Variants in ZNF385D observed in about 807,000 individuals in gnomAD.
ZNF385D encodes the protein zinc finger protein 385D, also known as zinc finger protein 659.
In ZNF385D, 15 loss-of-function variants were observed where a neutral mutation model predicts 35.8. That is an observed-to-expected ratio of 0.42 (90% CI 0.28 to 0.64). ZNF385D has a LOEUF of 0.64. ZNF385D is among the 30% of genes least tolerant of loss of function. ZNF385D has a pLI of 0.23. For synonymous variants in ZNF385D, 212 were observed against 186.8 expected, an observed-to-expected ratio of 1.13 and a Z score of -1.10; for missense variants, 474 against 494.6, an observed-to-expected ratio of 0.96 and a Z score of 0.39.
At chr3:21,777,457 G>A (rs2071332502) in intron 3 of ZNF385D, among the ~76,000 whole-genome samples, 1 of 151,938 alleles carries the variant, frequency 6.6e-6, no homozygotes, top group South Asian at 2.1e-4. Context: ...TTAGTTGACA[G>A]ATAGTCACCA....
In ZNF385D at chr3:21,789,404, A is replaced by G. The variant is rs1159878861; in HGVS notation, c.326-124376T>C. ...CTGATCAGTACTTGGGAGTGGGGAG[A>G]TCTAGGGCAGAATGTTGGTTTTGTT... On this transcript the variant is annotated intron_variant, in intron 3 of 5. Transcript: ENST00000494108. Among the ~76,000 whole-genome samples the G allele has an allele frequency of 3.9e-5, 6 of 152,158 alleles. 1 individual carries two copies. The highest frequency in any genetic ancestry group is 3.9e-4 in the Admixed American group (6 of 15,264).
intron 1 of ZNF385D, among the ~76,000 whole-genome samples, chr3:21,727,158 T>A (rs1320298794): frequency 6.6e-6 from 1 of 152,126 alleles, no homozygotes; most frequent in Non-Finnish European, 1.5e-5. Context: ...TTACACCTTA[T>A]ACAAAAATTA....
At chr3:22,360,562 C>T (rs988404180) in intron 2 of ZNF385D, among the ~76,000 whole-genome samples, 7 of 151,858 alleles carry the variant, frequency 4.6e-5, no homozygotes, top group Non-Finnish European at 7.4e-5. Context: ...TTTATTAAAA[C>T]CTTAGTAAGA....
chr3:21,693,011 C>A (rs1273218488), intron 1 of ZNF385D, among the ~76,000 whole-genome samples: 1 of 152,078 alleles, frequency 6.6e-6, no homozygotes, highest in Non-Finnish European at 1.5e-5. Flanking sequence ...TTCCTAATAA[C>A]CTCTTTGCCA....
chr3:21,990,287 G>T (rs1576099826), intron 3 of ZNF385D, among the ~76,000 whole-genome samples: 1 of 152,176 alleles, frequency 6.6e-6, no homozygotes, highest in Non-Finnish European at 1.5e-5. Context: ...TTCTCATGAT[G>T]ACATCTAGCA....
At chr3:21,566,941 CAT>C in intron 2 of ZNF385D, among the ~76,000 whole-genome samples, 1 of 152,226 alleles carries the variant, frequency 6.6e-6, no homozygotes, top group Middle Eastern at 3.4e-3. Context: ...TAAATGTTAT[CAT>C]AGAGTATGTG....
At chr3:22,076,781 A>C (rs1700486774) in intron 3 of ZNF385D, among the ~76,000 whole-genome samples, 1 of 151,768 alleles carries the variant, frequency 6.6e-6, no homozygotes, top group Non-Finnish European at 1.5e-5. Context: ...TGAAAAATAT[A>C]GTGACTTATT....
intron 4 of ZNF385D, among the ~76,000 whole-genome samples, chr3:21,444,080 CTT>C (rs11390309): frequency 1.1e-4 from 14 of 132,638 alleles, no homozygotes; most frequent in Non-Finnish European, 7.9e-5. Context: ...GGATTTCCCT[CTT>C]TTTTTTTTTT....
chr3:22,325,963 C>T (rs906100545), intron 2 of ZNF385D, among the ~76,000 whole-genome samples: 2 of 151,924 alleles, frequency 1.3e-5, no homozygotes, highest in Admixed American at 6.6e-5. Flanking sequence ...CCCCAAAGTA[C>T]CATACCTCAT....
intron 3 of ZNF385D, among the ~76,000 whole-genome samples, chr3:22,129,779 C>A (rs1274556412): frequency 6.6e-6 from 1 of 152,112 alleles, no homozygotes; most frequent in African/African-American, 2.4e-5. Context: ...GAGCTAAAGC[C>A]TGGAAGTAGG....
intron 4 of ZNF385D, among the ~76,000 whole-genome samples, chr3:21,463,688 T>C (rs2125320035): frequency 6.6e-6 from 1 of 152,320 alleles, no homozygotes; most frequent in African/African-American, 2.4e-5. Flanking sequence ...ATACACTCTT[T>C]CCAGGTGATT....
chr3:21,966,729 G>A (rs1430049264), intron 3 of ZNF385D, among the ~76,000 whole-genome samples: 1 of 152,050 alleles, frequency 6.6e-6, no homozygotes, highest in African/African-American at 2.4e-5. Flanking sequence ...TTACAGGCAC[G>A]CACCACCACG....
At chr3:21,736,165 C>T (rs1275509813) in intron 1 of ZNF385D, among the ~76,000 whole-genome samples, 1 of 152,132 alleles carries the variant, frequency 6.6e-6, no homozygotes, top group Non-Finnish European at 1.5e-5. Flanking sequence ...GACATCTAGT[C>T]ATTAAAACAA....
At chr3:21,884,229 C>G (rs979760014) in intron 3 of ZNF385D, among the ~76,000 whole-genome samples, 4 of 151,948 alleles carry the variant, frequency 2.6e-5, no homozygotes, top group Non-Finnish European at 2.9e-5. Flanking sequence ...TGAGAAATTC[C>G]TTTTCAACCC....
chr3:21,769,725 G>GT (rs1356634249), intron 3 of ZNF385D, among the ~76,000 whole-genome samples: 2 of 98,694 alleles, frequency 2.0e-5, no homozygotes, highest in Non-Finnish European at 3.9e-5. Context: ...TCACAGAATT[G>GT]GAAAAAACTA....
At chr3:22,270,338 C>A (rs930890722) in intron 2 of ZNF385D, among the ~76,000 whole-genome samples, 1 of 151,912 alleles carries the variant, frequency 6.6e-6, no homozygotes. Context: ...AGCTATCCAA[C>A]AGGGTTTTCA....
chr3:21,697,166 G>A (rs1447480333), intron 1 of ZNF385D, among the ~76,000 whole-genome samples: 6 of 152,106 alleles, frequency 3.9e-5, no homozygotes, highest in Non-Finnish European at 8.8e-5. Flanking sequence ...TTAAAGGGAG[G>A]TAGTAAAAGC....
chr3:21,441,765 A>C, intron 4 of ZNF385D: 1 of 984,704 alleles, frequency 1.0e-6, no homozygotes, highest in Non-Finnish European at 1.2e-6. Flanking sequence ...AGAAAGTAGG[A>C]AAACGATTCG....
intron 2 of ZNF385D, among the ~76,000 whole-genome samples, chr3:21,599,156 C>G (rs781753301): frequency 2.6e-5 from 4 of 152,184 alleles, no homozygotes; most frequent in African/African-American, 4.8e-5. Context: ...TTGTTACAGA[C>G]TGACATCCAG....
Sources: gnomAD v4.1 joint callset for allele counts (sites outside exome capture counted in the v4.1 genomes callset) on GRCh38, gnomAD v4.1.1 for gene constraint, MANE v1.5 for transcripts, NCBI Gene and HGNC (gene_info 2026-07-23, HGNC 2026-07-21) for gene names.